PARP10: variants seen among roughly 807,000 people sequenced by gnomAD.
The protein encoded by PARP10 is poly(ADP-ribose) polymerase family member 10, also known as protein mono-ADP-ribosyltransferase PARP10.
In PARP10, 56 loss-of-function variants were observed where a neutral mutation model predicts 82.4. The observed-to-expected ratio is 0.68, with a 90% CI of 0.55 to 0.85. The LOEUF (loss-of-function observed/expected upper bound fraction) is 0.85, where lower values mean the gene tolerates loss of function less well. Among genes scored for constraint, PARP10 ranks in the 40% least tolerant of loss-of-function variants. PARP10 has a pLI of 0.00. For missense variants in PARP10, 1,227 were observed against 1,379.4 expected, an observed-to-expected ratio of 0.89 and a Z score of 1.75; for synonymous variants, 576 against 601.1, an observed-to-expected ratio of 0.96 and a Z score of 0.61.
upstream of PARP10, chr8:143,993,014 C>T: frequency 1.6e-6 from 1 of 615,518 alleles, no homozygotes; most frequent in Non-Finnish European, 2.8e-6. Context: ...TCCATTTGGA[C>T]CCGCTGTGGC....
chr8:143,992,047 G>A (rs1445136914), upstream of PARP10: 10 of 1,613,790 alleles, frequency 6.2e-6, no homozygotes, highest in East Asian at 4.5e-5. Context: ...GGGGACTTCC[G>A]GCGAAAGCAC....
Position 144,011,533 on chromosome 8 carries a change from G to A in PARP10, c.-80+997C>T, listed in dbSNP as rs1834283340. Among the ~76,000 whole-genome samples the A allele has an allele frequency of 6.6e-6, 1 of 152,262 alleles. No individual in the cohort carries two copies. ...CCCTGCCCCAAAAAGAGGTTTGAGG[G>A]AGAACAGCCACAGAGCCAATGGAGG... On this transcript the variant is annotated intron_variant, in intron 1 of 3. Coordinates refer to the PARP10 transcript ENST00000530478. The surrounding 1 kb of genome is among the most constrained non-coding windows in gnomAD (Gnocchi z 4.5).
Position 143,977,666 on chromosome 8 carries a change from G to T in PARP10, c.2896C>A (p.Arg966=), listed in dbSNP as rs781832562. The T allele has an allele frequency of 6.3e-7, 1 of 1,593,728 alleles. No homozygotes were observed. Among genetic ancestry groups the T allele is most frequent in the Non-Finnish European group, 8.5e-7 (1 of 1,170,910 alleles). The change falls in exon 11 of 11, where the codon CGG becomes AGG. Residue 966 remains arginine, a synonymous_variant. Transcript: ENST00000313028. ...GRRGLRAPPL[R]GPGHVLLRYD... is the part of the protein sequence containing the mutation. ...CGCAGGAGCACGTGGCCAGGACCCC[G>T]CAGAGGGGGCGCCCGCAGACCGCGG...
rs1303679331 is a variant in PARP10 at position 143,977,176 on chromosome 8, C to G, written c.*308G>C. 1 of 383,926 alleles carries G rather than the reference C, an allele frequency of 2.6e-6. No homozygotes were observed. The highest frequency in any genetic ancestry group is 2.1e-5 in the African/African-American group (1 of 47,238). The allele number at this position is 383,926 out of a possible 1,614,324, so 23.8% of individuals were successfully genotyped here. A position where few individuals can be genotyped will look rare whatever the true frequency, so the allele number is the denominator to read the frequency against. ...GTCAGAGTTCCCGGGTCCCTTCCGC[C>G]TGGGTTCACGTTCACGTTTATTCAA... is the stretch of plus-strand genomic sequence containing the variant. On this transcript the variant is annotated 3_prime_UTR_variant, in exon 11 of 11. Transcript: ENST00000313028.
In PARP10 at chr8:143,985,966, C is replaced by T. The variant is rs1833980771; in HGVS notation, c.191G>A (p.Arg64Lys). ...LTFREPADAE[R>K]VLAQADHELH... ...TTCGTGATCTGCCTGGGCCAAGACC[C>T]TCTCGGCGTCTGTGGGCAGGGGCGG... The change falls in exon 3 of 11, where the codon AGG becomes AAG. Residue 64 changes from arginine to lysine, a missense_variant. By Grantham distance (26) the Arg-to-Lys change is conservative. Coordinates refer to ENST00000313028, the MANE Select transcript of PARP10 (RefSeq NM_032789.5). 2.5e-6 allele frequency: 4 copies of T among 1,589,764 alleles called. No homozygotes were observed. Among genetic ancestry groups the T allele is most frequent in the Non-Finnish European group, 3.4e-6 (4 of 1,163,896 alleles).
chr8:143,994,789 C>T (rs546017395), upstream of PARP10, among the ~76,000 whole-genome samples: 95 of 152,336 alleles, frequency 6.2e-4, no homozygotes, highest in African/African-American at 2.1e-3. Flanking sequence ...CCTCCCCTTC[C>T]GGCTATTTCC....
upstream of PARP10, chr8:143,986,626 C>G: frequency 5.1e-6 from 3 of 591,920 alleles, no homozygotes; most frequent in Non-Finnish European, 9.0e-6. Context: ...CCCAGCCCAG[C>G]CCACCGGCCC....
At chr8:143,978,766 G>A (rs1208619779) in intron 9 of PARP10, among the ~76,000 whole-genome samples, 1 of 152,056 alleles carries the variant, frequency 6.6e-6, no homozygotes, top group Non-Finnish European at 1.5e-5. Flanking sequence ...CAGGTGAGGG[G>A]GCCTGAGGTC....
intron 1 of PARP10, among the ~76,000 whole-genome samples, chr8:144,003,616 A>G (rs2133079115): frequency 6.6e-6 from 1 of 152,300 alleles, no homozygotes; most frequent in South Asian, 2.1e-4. Flanking sequence ...AGTCCCAGGC[A>G]AAGCAGTGGC....
Position 143,977,915 on chromosome 8 carries a change from C to T in PARP10, c.2723G>A (p.Gly908Asp). 1 of 1,601,636 alleles carries T rather than the reference C, an allele frequency of 6.2e-7. No homozygotes were observed. Among genetic ancestry groups the T allele is most frequent in the Non-Finnish European group, 8.5e-7 (1 of 1,179,308 alleles). Residue 908 changes from glycine to aspartate, a missense_variant, in exon 10 of 11, where the codon GGC becomes GAC. Transcript: ENST00000313028. Reference protein sequence around the residue: ...CAHGFNRSFCGRNATVYGKGV... With the variant: ...CAHGFNRSFCDRNATVYGKGV... ...CCCGGCTCAGGCCTCACCGTTGCGG[C>T]CGCAGAAGCTGCGGTTGAAGCCGTG...
chr8:143,977,554 G>C lies in PARP10; in HGVS notation c.3008C>G (p.Thr1003Ser). 6.4e-7 allele frequency: 1 copy of C among 1,569,470 alleles called. No individual in the cohort carries two copies. The highest frequency in any genetic ancestry group is 8.6e-7 in the Non-Finnish European group (1 of 1,157,680). The change falls in exon 11 of 11, where the codon ACC becomes AGC. Residue 1003 changes from threonine to serine, a missense_variant. Transcript: ENST00000313028. ...GGAAGCGCGGGGCACGTGCTCGCAG[G>C]TGATGAGGTGGGTGGGCAGCGCCTG... ...DTQALPTHLITCEHVPRASPD... is the reference protein window; with the variant it reads ...DTQALPTHLISCEHVPRASPD...
At chr8:143,998,925 G>A (rs1834180259) in intron 1 of PARP10, among the ~76,000 whole-genome samples, 5 of 150,864 alleles carry the variant, frequency 3.3e-5, no homozygotes, top group African/African-American at 9.8e-5. Flanking sequence ...ACTCTAGCCT[G>A]GGTGACAGAG....
rs545572468 is a variant in PARP10 at position 144,006,534 on chromosome 8, A to C, written c.-80+5996T>G. On this transcript the variant is annotated intron_variant, in intron 1 of 3. Transcript: ENST00000530478. ...CAACACGCAAGCGGAGTCTGAAGGA[A>C]GAGTAGGAATTAACCAAAGTTTGGG... 3.9e-5 allele frequency among the ~76,000 whole-genome samples: 6 copies of C among 152,342 alleles called. No individual in the cohort carries two copies. In the South Asian group the frequency reaches 1.2e-3, roughly 32 times the overall value.
At chr8:143,986,303 C>T in intron 1 of PARP10, 55 bp downstream of exon 1, 1 of 1,614,082 alleles carries the variant, frequency 6.2e-7, no homozygotes, top group Non-Finnish European at 8.5e-7. Flanking sequence ...CAGGCCCCTC[C>T]AAGGTGTGTC....
chr8:143,997,635 G>A (rs1834172833), intron 1 of PARP10, among the ~76,000 whole-genome samples: 1 of 152,034 alleles, frequency 6.6e-6, no homozygotes, highest in Non-Finnish European at 1.5e-5. Flanking sequence ...CTTCTTTGAA[G>A]TTCTCTTTGG....
intron 9 of PARP10, among the ~76,000 whole-genome samples, chr8:143,978,914 CT>C (rs1287712891): frequency 1.3e-5 from 2 of 152,316 alleles, no homozygotes; most frequent in African/African-American, 4.8e-5. Flanking sequence ...GACAACGCCC[CT>C]GGCACCCACG....
rs554703388 is a variant in PARP10, at chr8:143,983,514, G to T, written c.2075C>A (p.Pro692Gln). 9.3e-6 allele frequency: 15 copies of T among 1,605,514 alleles called. No homozygotes were observed. Among genetic ancestry groups the T allele is most frequent in the Admixed American group, 1.7e-5 (1 of 59,282 alleles). The change falls in exon 8 of 11, where the codon CCG becomes CAG. Residue 692 changes from proline to glutamine, a missense_variant. By Grantham distance (76) the Pro-to-Gln change is moderately conservative. Coordinates refer to ENST00000313028, the MANE Select transcript of PARP10 (RefSeq NM_032789.5). Reference protein sequence around the residue: ...ALTLSLLEQPPLEAEEPPDGG... With the variant: ...ALTLSLLEQPQLEAEEPPDGG... Reference sequence around the variant, plus strand: ...ATCTGGGGGCTCTTCTGCCTCCAACGGGGGCTGCTCCAGCAGGGAGAGGGT... The same window carrying T: ...ATCTGGGGGCTCTTCTGCCTCCAACTGGGGCTGCTCCAGCAGGGAGAGGGT...
In PARP10 at chr8:143,985,900, C is replaced by T. The variant is rs541952106; in HGVS notation, c.257G>A (p.Arg86Gln). The change falls in exon 3 of 11, where the codon CGA becomes CAA. Residue 86 changes from arginine to glutamine, a missense_variant. Coordinates refer to ENST00000313028, the MANE Select transcript of PARP10 (RefSeq NM_032789.5). ...AQLSLRPAPPRAPARLLLQGL... is the reference protein window; with the variant it reads ...AQLSLRPAPPQAPARLLLQGL... ...TTGGAGCAGCAGGCGTGCAGGGGCT[C>T]GTGGTGGAGCTGGCCGCAGGCTCAG... The T allele has an allele frequency of 8.2e-6, 13 of 1,583,468 alleles. No homozygotes were observed. The highest frequency in any genetic ancestry group is 1.7e-4 in the Middle Eastern group (1 of 5,942).
Position 143,982,953 on chromosome 8 carries a change from G to A in PARP10, c.2535C>T (p.Arg845=). 2 of 1,613,842 alleles carry A rather than the reference G, an allele frequency of 1.2e-6. No homozygotes were observed. Among genetic ancestry groups the A allele is most frequent in the Admixed American group, 1.7e-5 (1 of 60,030 alleles). ...TCACACGAACGACGCGGATGCTGCT[G>A]CGGGCAGCGTCCAGGGTGTCGTAGA... ...RAFYDTLDAA[R]SSIRVVRVER... Residue 845 remains arginine (R), a synonymous_variant, in exon 9 of 11, where the codon CGC becomes CGT. Transcript: ENST00000313028.
Sources: allele counts gnomAD v4.1 joint callset (sites outside exome capture counted in the v4.1 genomes callset), GRCh38; gene constraint gnomAD v4.1.1; non-coding constraint Gnocchi (gnomAD v3.1); transcripts MANE v1.5; gene names NCBI Gene and HGNC (gene_info 2026-07-23, HGNC 2026-07-21).